The following DHCR24 variants were observed in gnomAD, a reference collection of about 807,000 sequenced individuals.
The protein encoded by DHCR24 is delta(24)-sterol reductase.
Under a neutral mutation model 61.2 loss-of-function variants are expected in DHCR24, and 28 were observed. The observed-to-expected ratio is 0.46, with a 90% CI of 0.34 to 0.63. DHCR24 has a LOEUF of 0.63. Among genes scored for constraint, DHCR24 ranks in the 20% least tolerant of loss-of-function variants. The pLI is 0.01. For synonymous variants in DHCR24, 261 were observed against 275.9 expected, an observed-to-expected ratio of 0.95 and a Z score of 0.54; for missense variants, 538 against 679.1, an observed-to-expected ratio of 0.79 and a Z score of 2.31.
At chr1:54,859,102 C>G (rs1646922462) in intron 6 of DHCR24, among the ~76,000 whole-genome samples, 1 of 152,208 alleles carries the variant, frequency 6.6e-6, no homozygotes, top group African/African-American at 2.4e-5. Flanking sequence ...ATAAAAGGCA[C>G]TGCAGACTCT....
rs1646880741 is a variant in DHCR24 at position 54,852,386 on chromosome 1, G to A, written c.1398C>T (p.Gly466=). 5 of 1,613,998 alleles carry A rather than the reference G, an allele frequency of 3.1e-6. No homozygotes were observed. The African/African-American group carries it at 4.0e-5, about 13-fold the overall frequency. ...QLEKFVRSVH[G]FQMLYADCYM... ...AGCAGTCGGCATACAGCATCTGGAA[G>A]CTGCAGAGGCAGAGAAGTGGGTGAG... is the stretch of plus-strand genomic sequence containing the variant. Residue 466 remains glycine, a splice_region_variant and synonymous_variant, in exon 9 of 9, where the codon GGC becomes GGT. Transcript: ENST00000371269.
intron 2 of DHCR24, among the ~76,000 whole-genome samples, chr1:54,882,405 G>A (rs1427907442): frequency 6.6e-6 from 1 of 152,190 alleles, no homozygotes; most frequent in Admixed American, 6.5e-5. Flanking sequence ...AATGTAAAAT[G>A]CTACAATCAC....
intron 6 of DHCR24, among the ~76,000 whole-genome samples, chr1:54,860,912 CG>C (rs900924250): frequency 1.3e-5 from 2 of 151,334 alleles, no homozygotes; most frequent in African/African-American, 4.9e-5. Context: ...GGCATGAACC[CG>C]GGAGGCGGCA....
chr1:54,879,202 C>G (rs1340271314), intron 2 of DHCR24, among the ~76,000 whole-genome samples: 1 of 151,622 alleles, frequency 6.6e-6, no homozygotes, highest in Non-Finnish European at 1.5e-5. Flanking sequence ...ATCTGTAATC[C>G]CAGCTACTCG....
At position 54,887,132 on chromosome 1, in the gene DHCR24, C is replaced by A. The variant is rs941913432; in HGVS notation, c.-13G>T. 6.4e-7 allele frequency: 1 copy of A among 1,555,198 alleles called. No homozygotes were observed. Among genetic ancestry groups the A allele is most frequent in the African/African-American group, 1.4e-5 (1 of 73,760 alleles). On this transcript the variant is annotated 5_prime_UTR_variant, in exon 1 of 9. Coordinates refer to ENST00000371269, the MANE Select transcript of DHCR24 (RefSeq NM_014762.4). The stretch of plus-strand genomic sequence containing the variant: ...CGGCGGGCTCCATGGTGCGGCGCCG[C>A]GCGGTAAGCGCTGCGGGTTCGCGCC...
At chr1:54,878,005 C>CAAAAAAAAAA (rs34579917) in intron 2 of DHCR24, among the ~76,000 whole-genome samples, 1 of 111,786 alleles carries the variant, frequency 8.9e-6, no homozygotes. Context: ...GACTCTGTCT[C>CAAAAAAAAAA]AAAAAAAAAA....
chr1:54,858,635 T>TTA (rs957554847), intron 6 of DHCR24, among the ~76,000 whole-genome samples: 1 of 152,126 alleles, frequency 6.6e-6, no homozygotes, highest in Non-Finnish European at 1.5e-5. Context: ...TTATTTTTAT[T>TTA]TTTATTTATT....
chr1:54,886,881 C>G lies in DHCR24; in HGVS notation c.231+8G>C, dbSNP rs1322519037. The G allele has an allele frequency of 6.2e-7, 1 of 1,611,622 alleles. No homozygotes were observed. Among genetic ancestry groups the G allele is most frequent in the African/African-American group, 1.3e-5 (1 of 74,888 alleles). ...CCCTGAGTCCCGGCCGCACCCGGCG[C>G]CGCTCACCTGCTTCTGGATGTCCCG... On this transcript the variant is annotated splice_region_variant and intron_variant, in intron 1 of 8. Coordinates refer to ENST00000371269, the MANE Select transcript of DHCR24 (RefSeq NM_014762.4).
intron 6 of DHCR24, among the ~76,000 whole-genome samples, chr1:54,855,944 C>G (rs936173022): frequency 2.0e-5 from 3 of 152,128 alleles, no homozygotes; most frequent in Non-Finnish European, 4.4e-5. Flanking sequence ...CTCAACTCTC[C>G]TCCCCCTCCC....
At chr1:54,865,586 T>C (rs1646963985) in intron 5 of DHCR24, 140 bp from the exon 6 acceptor site, 1 of 1,176,982 alleles carries the variant, frequency 8.5e-7, no homozygotes, top group Non-Finnish European at 1.2e-6. Context: ...TTTGAGACTC[T>C]TGAAAGCTGG....
chr1:54,870,139 T>C (rs1043281469), intron 5 of DHCR24, among the ~76,000 whole-genome samples: 7 of 152,126 alleles, frequency 4.6e-5, no homozygotes, highest in Non-Finnish European at 1.0e-4. Flanking sequence ...GGAGGATTGC[T>C]TGAGCCCTGG....
chr1:54,879,625 G>A (rs990518939), intron 2 of DHCR24, among the ~76,000 whole-genome samples: 9 of 151,990 alleles, frequency 5.9e-5, no homozygotes, highest in Admixed American at 1.3e-4. Flanking sequence ...AAGAAATAAT[G>A]GCCCCCAAAT....
chr1:54,853,737 T>C (rs1408495504), intron 7 of DHCR24, 125 bp from the exon 8 acceptor site: 2 of 1,126,278 alleles, frequency 1.8e-6, no homozygotes, highest in Non-Finnish European at 2.6e-6. Flanking sequence ...TCAGGTGCTC[T>C]CAGCTTCACT....
Position 54,871,373 on chromosome 1 carries a change from T to C in DHCR24, c.853A>G (p.Thr285Ala). Residue 285 changes from threonine (T) to alanine (A), a missense_variant, in exon 5 of 9, where the codon ACA becomes GCA. Physicochemically the swap from Thr to Ala is moderately conservative, Grantham distance 58. Coordinates refer to ENST00000371269, the MANE Select transcript of DHCR24 (RefSeq NM_014762.4). ...ACCTTGCTGGGCTCTGCCTCATCTG[T>C]CATGACCCCTGTCATAATGACAGCC... is the stretch of plus-strand genomic sequence containing the variant. ...DEAVIMTGVM[T>A]DEAEPSKLNS... 1 of 1,614,078 alleles carries C rather than the reference T, an allele frequency of 6.2e-7. No homozygotes were observed. Among genetic ancestry groups the C allele is most frequent in the Non-Finnish European group, 8.5e-7 (1 of 1,180,024 alleles).
At chr1:54,863,074 CAAAAAAAAAAAAAA>C (rs5774200) in intron 6 of DHCR24, among the ~76,000 whole-genome samples, 10 of 61,406 alleles carry the variant, frequency 1.6e-4, no homozygotes, top group Non-Finnish European at 2.8e-4. Flanking sequence ...GACTCTGCCT[CAAAAAAAAAAAAAA>C]AAAAAAAAAA....
chr1:54,883,101 T>C lies in DHCR24; in HGVS notation c.387+517A>G, dbSNP rs564842249. ...CCTATTATTGGATATTGTGTTGTTG[T>C]CAATTAGAAATAAAGCTGTGATATA... On this transcript the variant is annotated intron_variant, in intron 2 of 8. Transcript: ENST00000371269. This position sits in a 1 kb window ranked among gnomAD's most constrained non-coding sequence, Gnocchi z 4.3. 1.3e-5 allele frequency among the ~76,000 whole-genome samples: 2 copies of C among 152,316 alleles called. No homozygotes were observed. The highest frequency in any genetic ancestry group is 4.1e-4 in the South Asian group (2 of 4,826).
chr1:54,865,349 C>T lies in DHCR24; in HGVS notation c.974G>A (p.Arg325Lys). The stretch of plus-strand genomic sequence containing the variant: ...GCGCGTGTGGCGGTGGTAGTAGTGT[C>T]TCAAGGGAATGTACTCCAGGCCCTC... ...NREGLEYIPL[R>K]HYYHRHTRSI... Residue 325 changes from arginine to lysine, a missense_variant, in exon 6 of 9, where the codon AGA becomes AAA. Coordinates refer to ENST00000371269, the MANE Select transcript of DHCR24 (RefSeq NM_014762.4). 1 of 1,614,090 alleles carries T rather than the reference C, an allele frequency of 6.2e-7. No individual in the cohort carries two copies. Among genetic ancestry groups the T allele is most frequent in the Non-Finnish European group, 8.5e-7 (1 of 1,179,990 alleles).
intron 2 of DHCR24, among the ~76,000 whole-genome samples, chr1:54,878,949 T>C (rs1647049880): frequency 6.6e-6 from 1 of 152,186 alleles, no homozygotes; most frequent in African/African-American, 2.4e-5. Flanking sequence ...TTAGAATTAG[T>C]GAACAGGGAC....
Position 54,852,373 on chromosome 1 carries a change from A to G in DHCR24, c.1411T>C (p.Tyr471His). 6.2e-7 allele frequency: 1 copy of G among 1,614,094 alleles called. No homozygotes were observed. The highest frequency in any genetic ancestry group is 8.5e-7 in the Non-Finnish European group (1 of 1,180,040). Residue 471 changes from tyrosine (Y) to histidine (H), a missense_variant, in exon 9 of 9, where the codon TAT (tyrosine) becomes CAT (histidine). Physicochemically the swap from Tyr to His is moderately conservative, Grantham distance 83. Transcript: ENST00000371269. Reference protein sequence around the residue: ...VRSVHGFQMLYADCYMNREEF... With the variant: ...VRSVHGFQMLHADCYMNREEF... The stretch of plus-strand genomic sequence containing the variant: ...TCCCGGTTCATGTAGCAGTCGGCAT[A>G]CAGCATCTGGAAGCTGCAGAGGCAG...
Sources: allele counts gnomAD v4.1 joint callset (sites outside exome capture counted in the v4.1 genomes callset), GRCh38; gene constraint gnomAD v4.1.1; non-coding constraint Gnocchi (gnomAD v3.1); transcripts MANE v1.5; gene names NCBI Gene and HGNC (gene_info 2026-07-23, HGNC 2026-07-21).